Variants in TRPM2 observed in about 807,000 individuals in gnomAD.
TRPM2 encodes the protein estrogen-responsive element-associated gene 1 protein.
In TRPM2, 161 loss-of-function variants were observed where a neutral mutation model predicts 174.0. The ratio of observed to expected loss-of-function variants is 0.93; its 90% CI spans 0.81 to 1.05. TRPM2 has a LOEUF of 1.05. TRPM2 is among the 50% of genes least tolerant of loss of function. The pLI, the probability that TRPM2 is intolerant of heterozygous loss-of-function variation, is 0.00. For synonymous variants in TRPM2, 954 were observed against 861.3 expected (o/e 1.11, Z -1.88); for missense variants, 2,057 against 2,038.0 (o/e 1.01, Z -0.18).
rs2146437846 is a variant in TRPM2, at chr21:44,441,881, CTCCTGAGCCTGGCCAGGACTCAGGCTGT to C, written c.*70_*97del. The C allele has an allele frequency of 6.6e-7, 1 of 1,516,602 alleles. No individual in the cohort carries two copies. Among genetic ancestry groups the C allele is most frequent in the East Asian group, 2.4e-5 (1 of 42,198 alleles). 93.9% of individuals were successfully genotyped at this position (1,516,602 alleles called of 1,614,324 possible). A position where few individuals can be genotyped will look rare whatever the true frequency, so the allele number is the denominator to read the frequency against. On this transcript the variant is annotated 3_prime_UTR_variant, in exon 32 of 32. Coordinates refer to ENST00000397928, the MANE Select transcript of TRPM2 (RefSeq NM_003307.4). ...TCCCCCCAGAAACCAGGGCTTCTCT[CTCCTGAGCCTGGCCAGGACTCAGGCTGT>C]TCCTGGGCCCTGCACATGATGGGGT... is the stretch of plus-strand genomic sequence containing the variant.
intron 2 of TRPM2, 25 bp from the exon 3 acceptor site, chr21:44,364,089 G>A (rs748604770): frequency 6.2e-7 from 1 of 1,608,198 alleles, no homozygotes; most frequent in Non-Finnish European, 8.5e-7. Flanking sequence ...ACACTCCCTG[G>A]GTGACTGGTG....
At chr21:44,355,862 C>A (rs1285881674) in intron 2 of TRPM2, among the ~76,000 whole-genome samples, 1 of 150,790 alleles carries the variant, frequency 6.6e-6, no homozygotes, top group Non-Finnish European at 1.5e-5. Flanking sequence ...TCCCGGACAC[C>A]CACGGACACC....
chr21:44,377,467 C>G (rs112149295), intron 6 of TRPM2, among the ~76,000 whole-genome samples: 112 of 152,280 alleles, frequency 7.4e-4, no homozygotes, highest in African/African-American at 2.6e-3. Flanking sequence ...ACAGGCAGGT[C>G]CCCTGGGAAT....
chr21:44,417,897 C>T, intron 20 of TRPM2, 30 bp from the exon 21 acceptor site: 7 of 1,598,722 alleles, frequency 4.4e-6, no homozygotes, highest in Non-Finnish European at 6.0e-6. Context: ...ACACCCTGAC[C>T]TCGAGGTGTT....
chr21:44,362,081 A>G (rs530089284), intron 2 of TRPM2, among the ~76,000 whole-genome samples: 2 of 152,372 alleles, frequency 1.3e-5, no homozygotes, highest in East Asian at 3.9e-4. Flanking sequence ...ATTATATAAT[A>G]CAGCTTATCA....
intron 12 of TRPM2, 88 bp downstream of exon 12, chr21:44,395,639 G>A (rs529687282): frequency 1.3e-6 from 2 of 1,578,472 alleles, no homozygotes. Flanking sequence ...TGGCTGGAGA[G>A]CCTGAGGCCA....
chr21:44,359,841 G>C (rs144806736), intron 2 of TRPM2, among the ~76,000 whole-genome samples: 2 of 151,552 alleles, frequency 1.3e-5, no homozygotes, highest in African/African-American at 2.4e-5. Flanking sequence ...TCCACCTCCC[G>C]GGCTCAAGCG....
intron 5 of TRPM2, among the ~76,000 whole-genome samples, chr21:44,375,438 A>G (rs1407353678): frequency 6.6e-6 from 1 of 152,186 alleles, no homozygotes; most frequent in Non-Finnish European, 1.5e-5. Context: ...AAACAGCAGC[A>G]TTGTGGTCTC....
At chr21:44,392,487 A>C (rs777880191) in intron 11 of TRPM2, among the ~76,000 whole-genome samples, 1 of 151,600 alleles carries the variant, frequency 6.6e-6, no homozygotes, top group African/African-American at 2.4e-5. Flanking sequence ...GCTGGTCTCA[A>C]ACTCCGGGGC....
chr21:44,432,325 G>T lies in TRPM2; in HGVS notation c.3975-2806G>T, dbSNP rs767099620. ...TCGTGTTCCTTGGCTTGTGATCTCT[G>T]CCTCCCTAGCCACATGGCCTCTCCC... On this transcript the variant is annotated intron_variant, in intron 27 of 31. Transcript: ENST00000397928. The surrounding 1 kb of genome is among the most constrained non-coding windows in gnomAD (Gnocchi z 4.9). 6.4e-4 allele frequency among the ~76,000 whole-genome samples: 97 copies of T among 152,150 alleles called. No individual in the cohort carries two copies. Among genetic ancestry groups the T allele is most frequent in the Non-Finnish European group, 9.7e-4 (66 of 68,040 alleles).
intron 13 of TRPM2, among the ~76,000 whole-genome samples, 163 bp downstream of exon 13, chr21:44,398,039 C>T (rs921508980): frequency 5.9e-5 from 9 of 152,316 alleles, no homozygotes; most frequent in African/African-American, 1.7e-4. Context: ...CCCGGAGTCT[C>T]GGCCCTGTAA....
At chr21:44,427,596 C>T (rs1027183780) in intron 27 of TRPM2, among the ~76,000 whole-genome samples, 8 of 152,150 alleles carry the variant, frequency 5.3e-5, no homozygotes, top group Non-Finnish European at 1.2e-4. Flanking sequence ...CCTACAAGTG[C>T]CCTGGAAGGA....
chr21:44,374,707 G>A (rs1602158222), intron 5 of TRPM2, among the ~76,000 whole-genome samples: 1 of 152,250 alleles, frequency 6.6e-6, no homozygotes, highest in African/African-American at 2.4e-5. Context: ...TCTGACAGGA[G>A]GTGGAGCTCG....
intron 9 of TRPM2, among the ~76,000 whole-genome samples, chr21:44,385,509 C>T (rs2226686): frequency 0.27 from 41,634 of 152,100 alleles, 6,635 homozygotes; most frequent in African/African-American, 0.45. Flanking sequence ...TCACCACTTC[C>T]ATTCAACATT....
At chr21:44,385,581 A>C (rs1489134240) in intron 9 of TRPM2, among the ~76,000 whole-genome samples, 2 of 152,234 alleles carry the variant, frequency 1.3e-5, no homozygotes, top group Non-Finnish European at 2.9e-5. Context: ...ATAAATTGGG[A>C]AGGAAGAAGT....
In TRPM2 at chr21:44,423,732, G is replaced by T; in HGVS notation, c.3549G>T (p.Gln1183His). Residue 1183 changes from glutamine to histidine, a missense_variant and splice_region_variant, in exon 23 of 32, where the codon CAG becomes CAT. Coordinates refer to ENST00000397928, the MANE Select transcript of TRPM2 (RefSeq NM_003307.4). ...MEQRLASLEE[Q>H]VAQTAQALHW... ...AGAGGTTGGCCTCCCTGGAGGAGCA[G>T]GTGGGTCCGAGGTCGGGGCCTCCGT... 4 of 1,604,638 alleles carry T rather than the reference G, an allele frequency of 2.5e-6. No individual in the cohort carries two copies. The highest frequency in any genetic ancestry group is 3.4e-6 in the Non-Finnish European group (4 of 1,177,268).
chr21:44,423,470 G>A, intron 22 of TRPM2, 175 bp from the exon 23 acceptor site: 1 of 613,164 alleles, frequency 1.6e-6, no homozygotes, highest in Non-Finnish European at 2.9e-6. Context: ...TGGGGCCCTG[G>A]GCAGTTTGGT....
chr21:44,368,093 T>C (rs2048411382), intron 4 of TRPM2, among the ~76,000 whole-genome samples: 2 of 152,268 alleles, frequency 1.3e-5, no homozygotes, highest in Admixed American at 6.5e-5. Flanking sequence ...GTTATCTTTC[T>C]ATCTATCTAT....
intron 27 of TRPM2, 64 bp downstream of exon 27, chr21:44,427,175 C>T (rs532251411): frequency 7.4e-7 from 1 of 1,347,582 alleles, no homozygotes; most frequent in Non-Finnish European, 1.0e-6. Context: ...GGGCAGGTTT[C>T]CTCTCTGGGC....
Sources: allele counts gnomAD v4.1 joint callset (sites outside exome capture counted in the v4.1 genomes callset), GRCh38; gene constraint gnomAD v4.1.1; non-coding constraint Gnocchi (gnomAD v3.1); transcripts MANE v1.5; gene names NCBI Gene and HGNC (gene_info 2026-07-23, HGNC 2026-07-21).